The following SCAI variants were observed in gnomAD, a reference collection of about 807,000 sequenced individuals.
SCAI encodes the protein suppressor of cancer cell invasion, also known as protein SCAI.
Under a neutral mutation model 92.2 loss-of-function variants are expected in SCAI, and 24 were observed. The observed-to-expected ratio is 0.26, with a 90% CI of 0.19 to 0.37. SCAI has a LOEUF of 0.37. Ranked by LOEUF, SCAI falls within the 10% of genes least tolerant of loss-of-function variation. The pLI is 1.00. For synonymous variants in SCAI, 261 were observed against 258.6 expected (o/e 1.01, Z -0.09); for missense variants, 450 against 736.2 (o/e 0.61, Z 4.50).
chr9:125,106,423 T>C (rs1834802060), intron 2 of SCAI, among the ~76,000 whole-genome samples: 1 of 151,650 alleles, frequency 6.6e-6, no homozygotes, highest in African/African-American at 2.4e-5. Context: ...GACTTCTCTG[T>C]CCTCTCTTGG....
At chr9:125,005,512 G>A (rs1832485960) in intron 9 of SCAI, among the ~76,000 whole-genome samples, 1 of 151,926 alleles carries the variant, frequency 6.6e-6, no homozygotes, top group Non-Finnish European at 1.5e-5. Flanking sequence ...TGTATTTTTA[G>A]TAGAGGCGGG....
At chr9:125,019,351 G>C (rs1419683629) in intron 7 of SCAI, 146 bp from the exon 8 acceptor site, 3 of 543,224 alleles carry the variant, frequency 5.5e-6, no homozygotes, top group Non-Finnish European at 6.4e-6. Flanking sequence ...AAAAAACAAA[G>C]ATGAAAACTA....
chr9:124,996,959 G>A (rs975432430), intron 13 of SCAI, among the ~76,000 whole-genome samples: 7 of 151,964 alleles, frequency 4.6e-5, no homozygotes, highest in Non-Finnish European at 1.0e-4. Context: ...TCACCACCAT[G>A]CTGTACTTTA....
intron 9 of SCAI, among the ~76,000 whole-genome samples, chr9:125,010,655 T>C (rs1471007466): frequency 6.6e-6 from 1 of 152,220 alleles, no homozygotes; most frequent in Admixed American, 6.5e-5. Flanking sequence ...TAAATGTCCC[T>C]GTCTGACAGC....
At chr9:124,975,606 G>A (rs1422010887) in intron 15 of SCAI, among the ~76,000 whole-genome samples, 1 of 152,164 alleles carries the variant, frequency 6.6e-6, no homozygotes, top group African/African-American at 2.4e-5. Context: ...ACTTAGAAGA[G>A]GTTCTTTTAT....
chr9:125,123,872 C>T (rs1388375429), intron 2 of SCAI, among the ~76,000 whole-genome samples: 1 of 152,220 alleles, frequency 6.6e-6, no homozygotes, highest in Non-Finnish European at 1.5e-5. Context: ...CACTCCCCGT[C>T]TAGAAAAGAA....
At chr9:125,082,818 G>A (rs1834249831) in intron 2 of SCAI, among the ~76,000 whole-genome samples, 2 of 152,224 alleles carry the variant, frequency 1.3e-5, no homozygotes, top group South Asian at 4.1e-4. Flanking sequence ...TTTATCCAAT[G>A]CTTGTACCCC....
chr9:125,076,372 G>A (rs996897460), intron 2 of SCAI, among the ~76,000 whole-genome samples: 16 of 151,964 alleles, frequency 1.1e-4, no homozygotes, highest in Non-Finnish European at 2.1e-4. Context: ...GGTGGCACGC[G>A]CCTGTAATCC....
chr9:124,971,329 TA>T, intron 17 of SCAI, 40 bp downstream of exon 17: 1 of 1,169,420 alleles, frequency 8.6e-7, no homozygotes, highest in Non-Finnish European at 1.3e-6. Context: ...CTTAAATACC[TA>T]AAATGATAAA....
chr9:125,008,089 C>G (rs1832550948), intron 9 of SCAI, among the ~76,000 whole-genome samples: 1 of 151,866 alleles, frequency 6.6e-6, no homozygotes. Context: ...TTGTGATCCG[C>G]CCGCCTCGGC....
chr9:125,025,248 G>A (rs772650494), intron 6 of SCAI, among the ~76,000 whole-genome samples: 2 of 152,196 alleles, frequency 1.3e-5, no homozygotes, highest in Non-Finnish European at 2.9e-5. Context: ...CTGGCACAAA[G>A]CAAGAGTTTT....
intron 2 of SCAI, among the ~76,000 whole-genome samples, chr9:125,117,985 G>T (rs7033815): frequency 0.23 from 35,585 of 151,948 alleles, 4,689 homozygotes; most frequent in Non-Finnish European, 0.3. Context: ...TTCTAATGAG[G>T]TAATATATAA....
At chr9:125,087,933 GATATA>G in intron 2 of SCAI, among the ~76,000 whole-genome samples, 1 of 152,264 alleles carries the variant, frequency 6.6e-6, no homozygotes, top group East Asian at 1.9e-4. Context: ...CAAATTTATA[GATATA>G]ATATACGTAA....
intron 3 of SCAI, among the ~76,000 whole-genome samples, chr9:125,032,616 C>CTTTTTT (rs35384919): frequency 7.6e-6 from 1 of 131,016 alleles, no homozygotes; most frequent in African/African-American, 2.8e-5. Flanking sequence ...TAATATTATG[C>CTTTTTT]TTTTTTTTTT....
intron 5 of SCAI, among the ~76,000 whole-genome samples, chr9:125,027,711 C>T (rs183269172): frequency 8.6e-4 from 131 of 152,088 alleles, no homozygotes; most frequent in Non-Finnish European, 1.6e-3. Flanking sequence ...TTAGTAGAGA[C>T]GGGGTTTCAC....
intron 2 of SCAI, among the ~76,000 whole-genome samples, chr9:125,101,049 A>AC (rs1834667276): frequency 6.6e-6 from 1 of 152,034 alleles, no homozygotes; most frequent in Non-Finnish European, 1.5e-5. Flanking sequence ...ACACAGTGAG[A>AC]CCCCATCTCT....
intron 14 of SCAI, among the ~76,000 whole-genome samples, chr9:124,981,311 T>C (rs1283777436): frequency 6.6e-6 from 1 of 152,246 alleles, no homozygotes; most frequent in African/African-American, 2.4e-5. Flanking sequence ...CTAGTGGTTT[T>C]CATCTCATTC....
chr9:125,000,129 C>A, intron 12 of SCAI, 139 bp from the exon 13 acceptor site: 3 of 452,190 alleles, frequency 6.6e-6, no homozygotes, highest in East Asian at 3.7e-5. Flanking sequence ...TAAAATTTAA[C>A]ATTTTAATTT....
chr9:125,018,515 C>T (rs1167762388), intron 9 of SCAI, among the ~76,000 whole-genome samples: 2 of 152,164 alleles, frequency 1.3e-5, no homozygotes, highest in African/African-American at 4.8e-5. Flanking sequence ...TTCCTGTGTG[C>T]ATACATATAG....
Sources: allele counts gnomAD v4.1 joint callset (sites outside exome capture counted in the v4.1 genomes callset), GRCh38; gene constraint gnomAD v4.1.1; transcripts MANE v1.5; gene names NCBI Gene and HGNC (gene_info 2026-07-23, HGNC 2026-07-21).